The following CLTCL1 variants were observed in gnomAD, a reference collection of about 807,000 sequenced individuals.
CLTCL1 encodes the protein clathrin heavy chain like 1, also known as clathrin heavy chain 2.
Under a neutral mutation model 190.0 loss-of-function variants are expected in CLTCL1, and 159 were observed. The ratio of observed to expected loss-of-function variants is 0.84; its 90% CI spans 0.74 to 0.95. The LOEUF (loss-of-function observed/expected upper bound fraction) is 0.95. CLTCL1 is among the 40% of genes least tolerant of loss of function. The pLI, the probability that CLTCL1 is intolerant of heterozygous loss-of-function variation, is 0.00. For synonymous variants in CLTCL1, 752 were observed against 769.6 expected, an observed-to-expected ratio of 0.98 and a Z score of 0.38; for missense variants, 1,878 against 2,033.4, an observed-to-expected ratio of 0.92 and a Z score of 1.47.
Position 19,210,782 on chromosome 22 carries a change from C to T in CLTCL1, c.3066-273G>A, listed in dbSNP as rs1033263833. On this transcript the variant is annotated intron_variant, in intron 19 of 32. Coordinates refer to ENST00000427926, the MANE Select transcript of CLTCL1 (RefSeq NM_007098.4). Reference sequence around the variant, plus strand: ...GCTGCTGTGGCTTTTTAGAGCCCAGCCTCTGGATCCTGCTGTAGAGGTACC... The same window carrying T: ...GCTGCTGTGGCTTTTTAGAGCCCAGTCTCTGGATCCTGCTGTAGAGGTACC... Among the ~76,000 whole-genome samples the T allele has an allele frequency of 2.0e-5, 3 of 152,168 alleles. No homozygotes were observed. In the East Asian group the frequency reaches 5.8e-4, roughly 29 times the overall value.
At chr22:19,222,211 T>G in intron 15 of CLTCL1, 118 bp from the exon 16 acceptor site, 1 of 982,640 alleles carries the variant, frequency 1.0e-6, no homozygotes, top group Non-Finnish European at 1.5e-6. Flanking sequence ...AGCACTGCGC[T>G]GTGTCCCACC....
Position 19,291,633 on chromosome 22 carries a change from C to T in CLTCL1, c.9G>A (p.Gln3=). The T allele has an allele frequency of 7.1e-7, 1 of 1,404,826 alleles. No individual in the cohort carries two copies. Among genetic ancestry groups the T allele is most frequent in the Admixed American group, 2.7e-5 (1 of 36,764 alleles). 87.0% of individuals were successfully genotyped at this position (1,404,826 alleles called of 1,614,324 possible). Residue 3 remains glutamine, a synonymous_variant, in exon 1 of 33, where the codon CAG becomes CAA. Coordinates refer to ENST00000427926, the MANE Select transcript of CLTCL1 (RefSeq NM_007098.4). MA[Q]ILPVRFQEHF... The stretch of plus-strand genomic sequence containing the variant: ...GCTCCTGAAAGCGAACAGGGAGGAT[C>T]TGCGCCATGGCTGGTGCGGGACCTC...
intron 21 of CLTCL1, 120 bp from the exon 22 acceptor site, chr22:19,208,431 C>T: frequency 1.7e-6 from 2 of 1,159,070 alleles, no homozygotes; most frequent in Non-Finnish European, 2.5e-6. Flanking sequence ...TCACTGGGAA[C>T]TCAGACTCCA....
In CLTCL1 at chr22:19,222,773, CG is replaced by C. The variant is rs1555953381; in HGVS notation, c.2328del (p.Ile776MetfsTer40). ...TGGACAAAGCCAAAACGATCACACA[CG>C]ATGATGAGGGGAAGCTGGTCTGTGA... ...AKLTDQLPLI[I>X]VCDRFGFVHD... On this transcript the variant is annotated frameshift_variant, in exon 15 of 33. Transcript: ENST00000427926. LOFTEE classifies it high-confidence loss of function. 6.2e-7 allele frequency: 1 copy of C among 1,600,534 alleles called. No homozygotes were observed. Among genetic ancestry groups the C allele is most frequent in the East Asian group, 2.3e-5 (1 of 44,384 alleles).
chr22:19,233,770 T>C, intron 7 of CLTCL1, 148 bp from the exon 8 acceptor site: 1 of 690,938 alleles, frequency 1.4e-6, no homozygotes, highest in Non-Finnish European at 2.4e-6. Context: ...AGGCAACTGC[T>C]TCTATCTTCA....
chr22:19,237,963 A>G (rs1276736002), intron 5 of CLTCL1, among the ~76,000 whole-genome samples: 1 of 152,246 alleles, frequency 6.6e-6, no homozygotes, highest in Non-Finnish European at 1.5e-5. Context: ...ACAAAAGAGT[A>G]AAAAGGAGAG....
intron 22 of CLTCL1, among the ~76,000 whole-genome samples, chr22:19,202,476 C>T (rs1601501827): frequency 2.2e-5 from 1 of 45,942 alleles, no homozygotes; most frequent in Non-Finnish European, 4.0e-5. Context: ...CCCTCCTTTG[C>T]CATCCACGGT....
In CLTCL1 at chr22:19,252,675, A is replaced by G. The variant is rs948970868; in HGVS notation, c.519+1284T>C. 2.6e-5 allele frequency among the ~76,000 whole-genome samples: 4 copies of G among 152,184 alleles called. No homozygotes were observed. In the East Asian group the frequency reaches 5.8e-4, roughly 22 times the overall value. On this transcript the variant is annotated intron_variant, in intron 3 of 32. Transcript: ENST00000427926. ...ACGAAGATCTATGTCCCAAGTGCAA[A>G]CATCCTGTAGTCCTCAAGTATCTGG...
intron 1 of CLTCL1, among the ~76,000 whole-genome samples, chr22:19,289,235 G>A (rs1038726860): frequency 1.6e-4 from 25 of 152,106 alleles, no homozygotes; most frequent in African/African-American, 3.4e-4. Context: ...CACCCGCCTC[G>A]GCCTCCCAAA....
chr22:19,186,502 T>G (rs782539441), intron 29 of CLTCL1, among the ~76,000 whole-genome samples: 1 of 152,190 alleles, frequency 6.6e-6, no homozygotes, highest in Non-Finnish European at 1.5e-5. Context: ...TCCTCTCAAG[T>G]GATCCTCCCA....
rs1327233767 is a variant in CLTCL1, at chr22:19,179,927, T to C, written c.*63A>G. ...GCTGGCGAAGTTGGGAGCAGAGGCA[T>C]ATCCATAGGGGAAGCTGGCAGGGGC... On this transcript the variant is annotated 3_prime_UTR_variant, in exon 33 of 33. Transcript: ENST00000427926. The C allele has an allele frequency of 7.8e-6, 4 of 513,502 alleles. No homozygotes were observed. Among genetic ancestry groups the C allele is most frequent in the Non-Finnish European group, 1.4e-5 (4 of 285,900 alleles). 31.8% of individuals were successfully genotyped at this position (513,502 alleles called of 1,614,324 possible).
Position 19,201,476 on chromosome 22 carries a change from G to GT in CLTCL1, c.3617dup (p.Tyr1206Ter), listed in dbSNP as rs1186415288. 10 of 1,613,216 alleles carry GT rather than the reference G, an allele frequency of 6.2e-6. No homozygotes were observed. The African/African-American group carries it at 1.2e-4, about 19-fold the overall frequency. ...TGGCAGCCTCGTACATTCCCTCCTC[G>GT]TAACAGCGGTCTCCAACCTACGGAT... ...AHIQQVGDRC[Y>*]EEGMYEAAKL... The change falls in exon 23 of 33, where the codon TAC (tyrosine) becomes TAAC (stop). Residue 1206 changes from tyrosine (Y) to a stop codon, truncating the protein, a stop_gained and frameshift_variant. Transcript: ENST00000427926. LOFTEE classifies it high-confidence loss of function.
At chr22:19,275,069 C>T (rs2087454042) in intron 2 of CLTCL1, among the ~76,000 whole-genome samples, 1 of 152,092 alleles carries the variant, frequency 6.6e-6, no homozygotes, top group Non-Finnish European at 1.5e-5. Context: ...GCATTTCACA[C>T]AAAACATTAA....
intron 7 of CLTCL1, among the ~76,000 whole-genome samples, chr22:19,234,159 A>T (rs2086003687): frequency 6.6e-6 from 1 of 152,242 alleles, no homozygotes; most frequent in South Asian, 2.1e-4. Flanking sequence ...ATCGCTAGAT[A>T]AAACAGGGAA....
intron 2 of CLTCL1, among the ~76,000 whole-genome samples, chr22:19,259,627 C>T (rs1333441145): frequency 1.3e-5 from 2 of 152,148 alleles, no homozygotes; most frequent in Non-Finnish European, 2.9e-5. Flanking sequence ...ATGAACCACA[C>T]ACATATAAGA....
intron 1 of CLTCL1, among the ~76,000 whole-genome samples, chr22:19,288,950 G>T (rs1485381319): frequency 1.3e-5 from 2 of 152,232 alleles, no homozygotes; most frequent in African/African-American, 4.8e-5. Context: ...CACAGAAGAT[G>T]CGTGTGGTGT....
At chr22:19,194,190 T>G (rs186951007) in intron 26 of CLTCL1, among the ~76,000 whole-genome samples, 1 of 152,272 alleles carries the variant, frequency 6.6e-6, no homozygotes, top group African/African-American at 2.4e-5. Context: ...TTACAATCCT[T>G]TAGCTGGACA....
At chr22:19,279,948 C>T (rs2087648067) in intron 1 of CLTCL1, among the ~76,000 whole-genome samples, 1 of 152,196 alleles carries the variant, frequency 6.6e-6, no homozygotes. Flanking sequence ...CCACATGGAT[C>T]TGTCTGTCTG....
In CLTCL1 at chr22:19,251,735, C is replaced by T. The variant is rs1048920754; in HGVS notation, c.519+2224G>A. Among the ~76,000 whole-genome samples the T allele has an allele frequency of 2.0e-5, 3 of 152,206 alleles. No individual in the cohort carries two copies. In the South Asian group the frequency reaches 6.2e-4, roughly 31 times the overall value. On this transcript the variant is annotated intron_variant, in intron 3 of 32. Transcript: ENST00000427926. The stretch of plus-strand genomic sequence containing the variant: ...CCTCCCAAAGTGCTGGGATTACAGG[C>T]GTGAGCCACCGTGCCCAGCCTAAAT...
Sources: gnomAD v4.1 joint callset for allele counts (sites outside exome capture counted in the v4.1 genomes callset) on GRCh38, gnomAD v4.1.1 for gene constraint, MANE v1.5 for transcripts, NCBI Gene and HGNC (gene_info 2026-07-23, HGNC 2026-07-21) for gene names.